Variants in KIRREL3 observed in about 807,000 individuals in gnomAD.
KIRREL3 encodes kin of IRRE-like protein 3.
Under a neutral mutation model 89.7 loss-of-function variants are expected in KIRREL3, and 36 were observed. That is an observed-to-expected ratio of 0.40 (90% CI 0.31 to 0.53). The LOEUF (loss-of-function observed/expected upper bound fraction) is 0.53, where lower values mean the gene tolerates loss of function less well. KIRREL3 is among the 20% of genes least tolerant of loss of function. The pLI is 0.49. For synonymous variants in KIRREL3, 445 were observed against 441.4 expected, an observed-to-expected ratio of 1.01 and a Z score of -0.10; for missense variants, 864 against 1,056.6, an observed-to-expected ratio of 0.82 and a Z score of 2.53.
chr11:126,865,526 C>T (rs901837380), intron 1 of KIRREL3, among the ~76,000 whole-genome samples: 6 of 152,236 alleles, frequency 3.9e-5, no homozygotes, highest in African/African-American at 1.4e-4. Context: ...AGCAGAATCC[C>T]ATGGGGGTGG....
chr11:126,927,727 C>A (rs1947780914), intron 1 of KIRREL3, among the ~76,000 whole-genome samples: 1 of 152,172 alleles, frequency 6.6e-6, no homozygotes. Flanking sequence ...ACAGAAAAAC[C>A]AAGCATAGGA....
chr11:126,668,448 C>T lies in KIRREL3; in HGVS notation c.56-105536G>A, dbSNP rs571460624. On this transcript the variant is annotated intron_variant, in intron 1 of 16. Transcript: ENST00000525144. The surrounding 1 kb of genome is among the most constrained non-coding windows in gnomAD (Gnocchi z 4.4). ...CACCCTGGCTATAGAAGAGAGGTGG[C>T]TTTTCCTCTCCCCAGACAGCTTCCC... 4.6e-5 allele frequency among the ~76,000 whole-genome samples: 7 copies of T among 152,252 alleles called. No homozygotes were observed. In the South Asian group the frequency reaches 1.5e-3, roughly 32 times the overall value.
chr11:126,791,204 T>G lies in KIRREL3; in HGVS notation c.55+209251A>C, dbSNP rs1950629560. Among the ~76,000 whole-genome samples the G allele has an allele frequency of 6.6e-6, 1 of 152,198 alleles. No individual in the cohort carries two copies. Among genetic ancestry groups the G allele is most frequent in the Admixed American group, 6.5e-5 (1 of 15,286 alleles). On this transcript the variant is annotated intron_variant, in intron 1 of 16. Transcript: ENST00000525144. The surrounding 1 kb of genome is among the most constrained non-coding windows in gnomAD (Gnocchi z 4.8). ...GAAAAGTCTGTGTTTAGGAAACCTC[T>G]TATTGAGGAAAGAGTACATTTTGGG...
intron 1 of KIRREL3, among the ~76,000 whole-genome samples, chr11:126,961,774 A>G (rs1021129548): frequency 1.3e-5 from 2 of 152,258 alleles, no homozygotes; most frequent in Non-Finnish European, 2.9e-5. Context: ...ATAGCTAGAG[A>G]ATAGAAGTCA....
intron 1 of KIRREL3, among the ~76,000 whole-genome samples, chr11:126,911,924 A>G (rs1443750235): frequency 1.4e-5 from 2 of 142,116 alleles, no homozygotes; most frequent in African/African-American, 5.3e-5. Context: ...CAGAGCTTGC[A>G]GTGAGCCGAG....
intron 1 of KIRREL3, among the ~76,000 whole-genome samples, chr11:126,732,469 C>A (rs549803449): frequency 1.1e-4 from 17 of 152,242 alleles, no homozygotes; most frequent in African/African-American, 3.4e-4. Flanking sequence ...AACCCTAGCG[C>A]TCTCTGGTCA....
intron 1 of KIRREL3, among the ~76,000 whole-genome samples, chr11:126,638,809 G>T (rs1351580043): frequency 2.0e-5 from 3 of 152,128 alleles, no homozygotes; most frequent in Non-Finnish European, 4.4e-5. Context: ...CTATGTGAAA[G>T]GACTTTAGTC....
At chr11:126,925,492 G>A (rs956305343) in intron 1 of KIRREL3, among the ~76,000 whole-genome samples, 3 of 152,216 alleles carry the variant, frequency 2.0e-5, no homozygotes, top group African/African-American at 7.2e-5. Context: ...AATGGAAGAG[G>A]CTGTCAGGTT....
At position 126,763,923 on chromosome 11, in the gene KIRREL3, T is replaced by G. The variant is rs767114950; in HGVS notation, c.56-201011A>C. ...TCCCACTCTCTTACCTTCTGCCCCC[T>G]GAATTTTTCCTCTCTTTTCCTGTAT... On this transcript the variant is annotated intron_variant, in intron 1 of 16. Transcript: ENST00000525144. This position sits in a 1 kb window ranked among gnomAD's most constrained non-coding sequence, Gnocchi z 4.7. 2.0e-5 allele frequency among the ~76,000 whole-genome samples: 3 copies of G among 152,170 alleles called. No individual in the cohort carries two copies. Among genetic ancestry groups the G allele is most frequent in the Non-Finnish European group, 2.9e-5 (2 of 68,026 alleles).
intron 1 of KIRREL3, among the ~76,000 whole-genome samples, chr11:126,638,997 A>G (rs57651982): frequency 0.027 from 4,028 of 151,982 alleles, 192 homozygotes; most frequent in African/African-American, 0.091. Flanking sequence ...ATTTTTTTTT[A>G]ATTGAATGAA....
At chr11:126,711,763 A>C (rs1234867610) in intron 1 of KIRREL3, among the ~76,000 whole-genome samples, 2 of 152,230 alleles carry the variant, frequency 1.3e-5, no homozygotes, top group Non-Finnish European at 2.9e-5. Flanking sequence ...CTATATTTTT[A>C]ACCAGTTCCC....
intron 1 of KIRREL3, among the ~76,000 whole-genome samples, chr11:126,613,132 A>G (rs1403823348): frequency 5.9e-5 from 9 of 152,240 alleles, no homozygotes; most frequent in Non-Finnish European, 7.4e-5. Flanking sequence ...TTACATTTAA[A>G]TTTTTATTTG....
chr11:126,958,949 A>G (rs1330788439), intron 1 of KIRREL3, among the ~76,000 whole-genome samples: 1 of 152,138 alleles, frequency 6.6e-6, no homozygotes, highest in Non-Finnish European at 1.5e-5. Flanking sequence ...TAGCATTTTA[A>G]TTAGTAGACT....
In KIRREL3 at chr11:126,742,023, C is replaced by T. The variant is rs925214496; in HGVS notation, c.56-179111G>A. ...GGGTACCAGGAGGTTGAATGGAGGACGCTTGTGCTAAGAAGGGAGAACTAT... is the reference window on the plus strand; with the variant it reads ...GGGTACCAGGAGGTTGAATGGAGGATGCTTGTGCTAAGAAGGGAGAACTAT... On this transcript the variant is annotated intron_variant, in intron 1 of 16. Coordinates refer to ENST00000525144, the MANE Select transcript of KIRREL3 (RefSeq NM_032531.4). The surrounding 1 kb of genome is among the most constrained non-coding windows in gnomAD (Gnocchi z 5.3). Among the ~76,000 whole-genome samples the T allele has an allele frequency of 1.3e-5, 2 of 152,164 alleles. No individual in the cohort carries two copies. Among genetic ancestry groups the T allele is most frequent in the Non-Finnish European group, 2.9e-5 (2 of 68,036 alleles).
intron 1 of KIRREL3, among the ~76,000 whole-genome samples, chr11:126,743,432 C>T (rs1337113102): frequency 1.3e-5 from 2 of 152,204 alleles, no homozygotes; most frequent in African/African-American, 4.8e-5. Context: ...ATAATTTCAT[C>T]CATGCTATCA....
rs1213699214 is a variant in KIRREL3 at position 126,687,915 on chromosome 11, G to T, written c.56-125003C>A. Among the ~76,000 whole-genome samples the T allele has an allele frequency of 6.6e-6, 1 of 152,238 alleles. No homozygotes were observed. Among genetic ancestry groups the T allele is most frequent in the Admixed American group, 6.5e-5 (1 of 15,280 alleles). The stretch of plus-strand genomic sequence containing the variant: ...CCCTCCTAGGCCCGAAGCAGCAAAA[G>T]AAAGCATCTAGAAAAAGGAAATAAA... On this transcript the variant is annotated intron_variant, in intron 1 of 16. Coordinates refer to ENST00000525144, the MANE Select transcript of KIRREL3 (RefSeq NM_032531.4). This position sits in a 1 kb window ranked among gnomAD's most constrained non-coding sequence, Gnocchi z 4.6.
intron 1 of KIRREL3, among the ~76,000 whole-genome samples, chr11:126,585,373 A>C (rs535765913): frequency 1.8e-4 from 27 of 151,510 alleles, no homozygotes; most frequent in Admixed American, 1.6e-3. Context: ...AGCTGGGATT[A>C]CTGGCACTCA....
At position 126,780,878 on chromosome 11, in the gene KIRREL3, T is replaced by A. The variant is rs991035382; in HGVS notation, c.56-217966A>T. Reference sequence around the variant, plus strand: ...TGGCAACCATGAGCATGCCCTAGTGTCTTCATCTATAAAATGGGATGAAGC... The same window carrying A: ...TGGCAACCATGAGCATGCCCTAGTGACTTCATCTATAAAATGGGATGAAGC... On this transcript the variant is annotated intron_variant, in intron 1 of 16. Coordinates refer to ENST00000525144, the MANE Select transcript of KIRREL3 (RefSeq NM_032531.4). The surrounding 1 kb of genome is among the most constrained non-coding windows in gnomAD (Gnocchi z 5.3). Among the ~76,000 whole-genome samples, 1 of 152,260 alleles carries A rather than the reference T, an allele frequency of 6.6e-6. No individual in the cohort carries two copies. The highest frequency in any genetic ancestry group is 1.5e-5 in the Non-Finnish European group (1 of 68,040).
rs144302376 is a variant in KIRREL3 at position 126,631,627 on chromosome 11, A to G, written c.56-68715T>C. 1.8e-4 allele frequency among the ~76,000 whole-genome samples: 27 copies of G among 152,316 alleles called. No homozygotes were observed. In the East Asian group the frequency reaches 2.1e-3, roughly 12 times the overall value. On this transcript the variant is annotated intron_variant, in intron 1 of 16. Coordinates refer to ENST00000525144, the MANE Select transcript of KIRREL3 (RefSeq NM_032531.4). ...ACCAATTCACCCTGAGGTGATTTGC[A>G]TCTTTAGCAGGAGTACATGTCATGC...
Sources: gnomAD v4.1 joint callset for allele counts (sites outside exome capture counted in the v4.1 genomes callset) on GRCh38, gnomAD v4.1.1 for gene constraint, Gnocchi (gnomAD v3.1) non-coding constraint, MANE v1.5 for transcripts, NCBI Gene and HGNC (gene_info 2026-07-23, HGNC 2026-07-21) for gene names.